The following OR9Q1 variants were observed in gnomAD, a reference collection of about 807,000 sequenced individuals.
OR9Q1 encodes the protein olfactory receptor 9Q1.
For synonymous variants in OR9Q1, 153 were observed against 148.6 expected (o/e 1.03, Z -0.22); for missense variants, 374 against 378.8 (o/e 0.99, Z 0.11).
intron 1 of OR9Q1, among the ~76,000 whole-genome samples, chr11:58,040,008 A>C (rs1230318942): frequency 6.6e-6 from 1 of 152,242 alleles, no homozygotes; most frequent in African/African-American, 2.4e-5. Flanking sequence ...TGATAATATC[A>C]TGAAGTCAGT....
chr11:58,129,415 C>A (rs1854119746), intron 2 of OR9Q1, among the ~76,000 whole-genome samples: 1 of 152,110 alleles, frequency 6.6e-6, no homozygotes, highest in South Asian at 2.1e-4. Context: ...TTGTTTAAAA[C>A]CTACATCAGA....
intron 2 of OR9Q1, among the ~76,000 whole-genome samples, chr11:58,123,300 C>G (rs766462044): frequency 6.6e-6 from 1 of 152,162 alleles, no homozygotes; most frequent in Non-Finnish European, 1.5e-5. Flanking sequence ...TTAATCAGAG[C>G]TTTTTTACCT....
At chr11:58,141,129 A>G (rs1434991529) in intron 2 of OR9Q1, among the ~76,000 whole-genome samples, 1 of 152,142 alleles carries the variant, frequency 6.6e-6, no homozygotes, top group Non-Finnish European at 1.5e-5. Context: ...ATTTTTGCAC[A>G]TTGTTTTCTA....
intron 2 of OR9Q1, chr11:58,073,702 G>T (rs1380169167): frequency 3.3e-5 from 5 of 152,138 alleles, no homozygotes; most frequent in African/African-American, 1.2e-4. Context: ...TGTTACATAG[G>T]TGTACATGTG....
intron 2 of OR9Q1, among the ~76,000 whole-genome samples, chr11:58,163,158 A>C (rs1854471138): frequency 6.6e-6 from 1 of 152,204 alleles, no homozygotes; most frequent in Admixed American, 6.5e-5. Flanking sequence ...TTTTAATTTT[A>C]AGGTTCAGCT....
At chr11:58,072,758 G>C (rs1853500475) in intron 2 of OR9Q1, 1 of 155,230 alleles carries the variant, frequency 6.4e-6, no homozygotes. Context: ...GTGGCTTCCT[G>C]GACATTTTTC....
intron 1 of OR9Q1, among the ~76,000 whole-genome samples, chr11:58,025,686 A>T (rs972623709): frequency 2.0e-5 from 3 of 152,150 alleles, no homozygotes; most frequent in Non-Finnish European, 2.9e-5. Context: ...TGGGTTAGGC[A>T]TTGCCTCCCA....
At chr11:58,174,651 A>G (rs76540812) in intron 2 of OR9Q1, among the ~76,000 whole-genome samples, 150 of 148,864 alleles carry the variant, frequency 1.0e-3, no homozygotes, top group African/African-American at 3.5e-3. Flanking sequence ...CTTATCTAGT[A>G]TGTTAGAAGT....
intron 2 of OR9Q1, among the ~76,000 whole-genome samples, chr11:58,063,095 T>C (rs1853396508): frequency 6.6e-6 from 1 of 152,206 alleles, no homozygotes; most frequent in African/African-American, 2.4e-5. Context: ...AGTAAACATT[T>C]GGAAATAGTA....
chr11:58,093,759 C>CAAAAAAAAAA (rs71061572), intron 2 of OR9Q1, among the ~76,000 whole-genome samples: 8 of 35,548 alleles, frequency 2.3e-4, no homozygotes, highest in Admixed American at 3.3e-4. Flanking sequence ...GACTTCATCT[C>CAAAAAAAAAA]AAAAAAAAAA....
Position 58,180,930 on chromosome 11 carries a change from A to G in OR9Q1, c.*553A>G, listed in dbSNP as rs1156723002. ...TTACTTCTATGCACTTCAGAATTATATCATCAATTAGGATTCAATATTTAG... is the reference window on the plus strand; with the variant it reads ...TTACTTCTATGCACTTCAGAATTATGTCATCAATTAGGATTCAATATTTAG... On this transcript the variant is annotated 3_prime_UTR_variant, in exon 3 of 3. Coordinates refer to ENST00000335397, the MANE Select transcript of OR9Q1 (RefSeq NM_001005212.4). 1.2e-5 allele frequency: 2 copies of G among 166,942 alleles called. No individual in the cohort carries two copies. The highest frequency in any genetic ancestry group is 2.9e-5 in the Non-Finnish European group (2 of 68,138). The allele number at this position is 166,942 out of a possible 1,614,324, so 10.3% of individuals were successfully genotyped here. A position where few individuals can be genotyped will look rare whatever the true frequency, so the allele number is the denominator to read the frequency against.
At position 58,175,105 on chromosome 11, in the gene OR9Q1, CAAAA is replaced by C. The variant is rs57623932; in HGVS notation, c.-14-4307_-14-4304del. On this transcript the variant is annotated intron_variant, in intron 2 of 2. Transcript: ENST00000335397. ...TGGGCGACAGAGTGAGACTCTGTCT[CAAAA>C]AAAAAAAAAAAAAAAAAAGGAGATT... Among the ~76,000 whole-genome samples the C allele has an allele frequency of 7.0e-3, 487 of 69,296 alleles. 3 individuals carry two copies. Among genetic ancestry groups the C allele is most frequent in the African/African-American group, 0.027 (465 of 16,950 alleles). The allele number at this position is 69,296 out of a possible 152,430, so 45.5% of individuals were successfully genotyped here. A position where few individuals can be genotyped will look rare whatever the true frequency, so the allele number is the denominator to read the frequency against.
intron 2 of OR9Q1, among the ~76,000 whole-genome samples, chr11:58,137,057 G>A (rs1034559487): frequency 6.6e-6 from 1 of 152,126 alleles, no homozygotes; most frequent in African/African-American, 2.4e-5. Flanking sequence ...CACTGTTATT[G>A]GGCTAATGCA....
intron 2 of OR9Q1, among the ~76,000 whole-genome samples, chr11:58,138,637 G>A (rs77773979): frequency 0.014 from 2,118 of 151,994 alleles, 21 homozygotes; most frequent in African/African-American, 0.034. Flanking sequence ...ACAATCATAC[G>A]TGTATTTTTA....
At chr11:58,177,420 C>T (rs1022507051) in intron 2 of OR9Q1, among the ~76,000 whole-genome samples, 6 of 152,018 alleles carry the variant, frequency 3.9e-5, no homozygotes, top group Non-Finnish European at 5.9e-5. Flanking sequence ...TTTCTTTATC[C>T]GTAAAATGAG....
intron 2 of OR9Q1, among the ~76,000 whole-genome samples, chr11:58,115,649 G>C (rs1235074650): frequency 6.6e-6 from 1 of 152,176 alleles, no homozygotes; most frequent in Non-Finnish European, 1.5e-5. Context: ...GGAAAGAGAG[G>C]TGTGTGCCAC....
intron 2 of OR9Q1, among the ~76,000 whole-genome samples, chr11:58,063,599 G>A (rs1317848042): frequency 2.0e-5 from 3 of 152,224 alleles, no homozygotes; most frequent in Admixed American, 1.3e-4. Context: ...ACTGACGATA[G>A]GTACATATCA....
At chr11:58,141,327 C>G (rs1854246655) in intron 2 of OR9Q1, among the ~76,000 whole-genome samples, 1 of 152,100 alleles carries the variant, frequency 6.6e-6, no homozygotes. Flanking sequence ...CCAGTTTTTG[C>G]CCATTCAGTA....
chr11:58,058,197 C>T (rs971259795), intron 2 of OR9Q1, among the ~76,000 whole-genome samples: 1 of 152,212 alleles, frequency 6.6e-6, no homozygotes, highest in African/African-American at 2.4e-5. Flanking sequence ...TCTCTCAGAG[C>T]AGGACATCAA....
Sources: gnomAD v4.1 joint callset for allele counts (sites outside exome capture counted in the v4.1 genomes callset) on GRCh38, gnomAD v4.1.1 for gene constraint, MANE v1.5 for transcripts, NCBI Gene and HGNC (gene_info 2026-07-23, HGNC 2026-07-21) for gene names.